RGS3: variants seen among roughly 807,000 people sequenced by gnomAD.
RGS3 encodes regulator of G protein signaling 3.
Under a neutral mutation model 132.6 loss-of-function variants are expected in RGS3, and 80 were observed. The observed-to-expected ratio is 0.60, with a 90% CI of 0.50 to 0.73. The LOEUF (loss-of-function observed/expected upper bound fraction) is 0.73. Ranked by LOEUF, RGS3 falls within the 30% of genes least tolerant of loss-of-function variation. RGS3 has a pLI of 0.00. For missense variants in RGS3, 1,382 were observed against 1,530.8 expected (o/e 0.90, Z 1.62); for synonymous variants, 598 against 620.6 (o/e 0.96, Z 0.54).
exon 24 of RGS3, chr9:113,595,678 C>T: frequency 1.9e-6 from 3 of 1,614,192 alleles, no homozygotes; most frequent in Non-Finnish European, 2.5e-6. Flanking sequence ...CTTGTGAGGA[C>T]TTCAAGAAGG....
rs1264772381 is a variant in RGS3 at position 113,447,345 on chromosome 9, A to G, written c.-13+2418A>G. ...TATGTATATGTATATATATATATAT[A>G]TATATATATATATATAGGCAAGGGT... On this transcript the variant is annotated intron_variant, in intron 1 of 25. Coordinates refer to the RGS3 transcript ENST00000374140. Among the ~76,000 whole-genome samples, 93 of 103,804 alleles carry G rather than the reference A, an allele frequency of 9.0e-4. 7 individuals are homozygous for G. Among genetic ancestry groups the G allele is most frequent in the African/African-American group, 2.7e-3 (84 of 30,656 alleles). The allele number at this position is 103,804 out of a possible 152,430, so 68.1% of individuals were successfully genotyped here. A position where few individuals can be genotyped will look rare whatever the true frequency, so the allele number is the denominator to read the frequency against.
chr9:113,567,790 A>G (rs1588263313), intron 19 of RGS3, among the ~76,000 whole-genome samples: 1 of 152,232 alleles, frequency 6.6e-6, no homozygotes. Flanking sequence ...TGCACAGACT[A>G]CAGGGGATTG....
At chr9:113,485,590 T>C in intron 6 of RGS3, 35 bp from the exon 5 acceptor site, 1 of 1,556,946 alleles carries the variant, frequency 6.4e-7, no homozygotes, top group South Asian at 1.2e-5. Context: ...AGCTCAGCCC[T>C]TACTAACACT....
In RGS3 at chr9:113,508,992, TCA is replaced by T. The variant is rs3838258; in HGVS notation, c.1477+413_1477+414del. On this transcript the variant is annotated intron_variant, in intron 14 of 24. Coordinates refer to ENST00000350696, the Ensembl canonical transcript of RGS3. ...TTCTAGCTATATGACTTTGAGCAAATCATGTCTCCTTGGTCGGGCGTGGTGGC... is the reference window on the plus strand; with the variant it reads ...TTCTAGCTATATGACTTTGAGCAAATTGTCTCCTTGGTCGGGCGTGGTGGC... 3.9e-5 allele frequency among the ~76,000 whole-genome samples: 6 copies of T among 152,136 alleles called. No homozygotes were observed. In the East Asian group the frequency reaches 9.7e-4, roughly 25 times the overall value.
chr9:113,491,057 TATA>T (rs1256017946), intron 7 of RGS3, among the ~76,000 whole-genome samples: 17 of 139,398 alleles, frequency 1.2e-4, no homozygotes, highest in Admixed American at 1.0e-3. Flanking sequence ...ATAACTTAAT[TATA>T]ATTATATATT....
chr9:113,591,627 C>T lies in RGS3; in HGVS notation c.3080+230C>T, dbSNP rs1467192496. 15 of 518,298 alleles carry T rather than the reference C, an allele frequency of 2.9e-5. No individual in the cohort carries two copies. The highest frequency in any genetic ancestry group is 9.4e-5 in the Admixed American group (3 of 31,888). 32.1% of individuals were successfully genotyped at this position (518,298 alleles called of 1,614,324 possible). On this transcript the variant is annotated intron_variant, in intron 21 of 24. Transcript: ENST00000350696. This position sits in a 1 kb window ranked among gnomAD's most constrained non-coding sequence, Gnocchi z 4.4. ...TGAGGCAAAGTGCTGATTCAGTACC[C>T]GGAAGCCACAGTGAACCAGAAGCAA...
intron 7 of RGS3, among the ~76,000 whole-genome samples, chr9:113,490,750 TG>T (rs973223486): frequency 2.9e-5 from 4 of 139,138 alleles, no homozygotes; most frequent in African/African-American, 1.1e-4. Flanking sequence ...ATAATTATAT[TG>T]GTATATATAA....
At chr9:113,555,666 C>T (rs752913343) in intron 19 of RGS3, among the ~76,000 whole-genome samples, 10 of 152,046 alleles carry the variant, frequency 6.6e-5, no homozygotes, top group Non-Finnish European at 1.3e-4. Context: ...AGAGTTTCAC[C>T]CTGTTGGTCA....
chr9:113,577,132 C>T (rs776866617), intron 19 of RGS3, among the ~76,000 whole-genome samples: 9 of 151,996 alleles, frequency 5.9e-5, no homozygotes, highest in East Asian at 1.9e-4. Flanking sequence ...TACAGGTGCG[C>T]GCCATGTTGC....
chr9:113,533,779 G>C (rs1398111987), intron 18 of RGS3, among the ~76,000 whole-genome samples: 1 of 152,170 alleles, frequency 6.6e-6, no homozygotes, highest in Non-Finnish European at 1.5e-5. Flanking sequence ...CTTTACATGG[G>C]AACACTGGAG....
At chr9:113,583,601 C>T in exon 20 of RGS3, 3 of 1,614,198 alleles carry the variant, frequency 1.9e-6, no homozygotes, top group Non-Finnish European at 2.5e-6. Flanking sequence ...GACTCCCCTT[C>T]TGGGCAGGAA....
Position 113,594,039 on chromosome 9 carries a change from G to A in RGS3, c.3081-391G>A. 5 of 1,613,022 alleles carry A rather than the reference G, an allele frequency of 3.1e-6. No individual in the cohort carries two copies. In the South Asian group the frequency reaches 5.5e-5, roughly 18 times the overall value. On this transcript the variant is annotated intron_variant, in intron 21 of 24. Coordinates refer to ENST00000350696, the Ensembl canonical transcript of RGS3. ...GGCTCCCTCTCAGGGTTGGCCAGAA[G>A]GAATTTTTTTTTCCGCTCCCCCTCC...
chr9:113,476,231 G>T (rs906264683), intron 3 of RGS3, among the ~76,000 whole-genome samples: 3 of 152,224 alleles, frequency 2.0e-5, no homozygotes, highest in Non-Finnish European at 4.4e-5. Context: ...CTAGAGGGCT[G>T]TGGGTGTTCC....
chr9:113,572,047 C>T (rs1341484239), intron 19 of RGS3, among the ~76,000 whole-genome samples: 1 of 151,960 alleles, frequency 6.6e-6, no homozygotes, highest in Non-Finnish European at 1.5e-5. Flanking sequence ...AGCAGGTGGA[C>T]AGGGGAGGGG....
intron 1 of RGS3, among the ~76,000 whole-genome samples, chr9:113,447,114 T>C (rs1829118191): frequency 6.6e-6 from 1 of 150,688 alleles, no homozygotes; most frequent in Non-Finnish European, 1.5e-5. Flanking sequence ...ACAGAAAAAT[T>C]AGCTGGGTGT....
intron 19 of RGS3, among the ~76,000 whole-genome samples, chr9:113,555,368 C>A (rs1443293343): frequency 6.6e-6 from 1 of 152,170 alleles, no homozygotes; most frequent in African/African-American, 2.4e-5. Context: ...CTCGTGGCCT[C>A]TAACCCATAA....
chr9:113,497,430 C>T (rs1272885808), intron 9 of RGS3, 26 bp downstream of exon 7: 3 of 1,596,640 alleles, frequency 1.9e-6, no homozygotes, highest in Non-Finnish European at 2.6e-6. Flanking sequence ...CTTCAGCTTC[C>T]CTTCCCAGGA....
intron 3 of RGS3, among the ~76,000 whole-genome samples, chr9:113,470,441 C>G (rs1295703746): frequency 6.6e-6 from 1 of 152,306 alleles, no homozygotes; most frequent in Non-Finnish European, 1.5e-5. Context: ...TAACAACATA[C>G]AGATTTAGAA....
At chr9:113,514,298 A>T (rs7026568) in intron 14 of RGS3, among the ~76,000 whole-genome samples, 160 bp from the exon 13 acceptor site, 1 of 152,100 alleles carries the variant, frequency 6.6e-6, no homozygotes. Context: ...GCCCATGTGA[A>T]GCCTCCCTGT....
Sources: allele counts gnomAD v4.1 joint callset (sites outside exome capture counted in the v4.1 genomes callset), GRCh38; gene constraint gnomAD v4.1.1; non-coding constraint Gnocchi (gnomAD v3.1); transcripts MANE v1.5; gene names NCBI Gene and HGNC (gene_info 2026-07-23, HGNC 2026-07-21).